The following TMLHE variants were observed in gnomAD, a reference collection of about 807,000 sequenced individuals.
TMLHE encodes the protein trimethyllysine hydroxylase, epsilon.
In TMLHE, 18 loss-of-function variants were observed where a neutral mutation model predicts 25.7. That is an observed-to-expected ratio of 0.70 (90% CI 0.48 to 1.04). The LOEUF is 1.04. Ranked by LOEUF, TMLHE falls within the 50% of genes least tolerant of loss-of-function variation. The pLI is 0.00. For missense variants in TMLHE, 236 were observed against 259.0 expected (o/e 0.91, Z 0.61); for synonymous variants, 105 against 97.0 (o/e 1.08, Z -0.49).
At chrX:155,575,533 A>G (rs1557343694) in intron 1 of TMLHE, among the ~76,000 whole-genome samples, 4 of 112,055 alleles carry the variant, frequency 3.6e-5, no homozygotes, top group Non-Finnish European at 7.5e-5. Flanking sequence ...AAACACAAAG[A>G]AATCTACATA....
rs1445385878 is a variant in TMLHE, at chrX:155,511,762, G to A, written c.669C>T (p.Phe223=). 2 of 1,189,405 alleles carry A rather than the reference G, an allele frequency of 1.7e-6. No individual in the cohort carries two copies. Among genetic ancestry groups the A allele is most frequent in the Non-Finnish European group, 2.3e-6 (2 of 881,178 alleles). The part of the protein sequence containing the change: ...RETIYGRMWY[F]TSDFSRGDTA... ...TGTCACCTCTGGAGAAGTCTGAAGT[G>A]AAATACCACATCCTCCCATAAATGG... Residue 223 remains phenylalanine (F), a synonymous_variant, in exon 5 of 8, where the codon TTC becomes TTT. Transcript: ENST00000334398.
intron 1 of TMLHE, among the ~76,000 whole-genome samples, chrX:155,553,177 T>C (rs1557340274): frequency 9.0e-6 from 1 of 110,933 alleles, no homozygotes; most frequent in Non-Finnish European, 1.9e-5. Context: ...TGGTTGTCTA[T>C]ATATGTCAAT....
chrX:155,571,224 G>C (rs782437345), intron 1 of TMLHE, among the ~76,000 whole-genome samples: 1 of 56,970 alleles, frequency 1.8e-5, no homozygotes, highest in African/African-American at 4.2e-5. Context: ...AAATAAACTA[G>C]AAAATCTAGA....
At chrX:155,511,412 A>C (rs1557333515) in intron 5 of TMLHE, among the ~76,000 whole-genome samples, 1 of 86,700 alleles carries the variant, frequency 1.2e-5, no homozygotes, top group East Asian at 3.8e-4. Context: ...GAACCATGAG[A>C]CAATTAAATC....
intron 1 of TMLHE, among the ~76,000 whole-genome samples, chrX:155,589,006 C>A (rs1419012061): frequency 8.9e-6 from 1 of 112,014 alleles, no homozygotes; most frequent in Non-Finnish European, 1.9e-5. Flanking sequence ...GAAACAAAAT[C>A]TGTATATCAA....
At position 155,609,879 on chromosome X, in the gene TMLHE, G is replaced by A. The variant is rs782773204; in HGVS notation, c.-2+2913C>T. On this transcript the variant is annotated intron_variant, in intron 1 of 7. Coordinates refer to ENST00000334398, the MANE Select transcript of TMLHE (RefSeq NM_018196.4). ...ACATTTGAAAAAAACAAAACAAAAC[G>A]GGGAAATAACAAATATGGTGATGAT... Among the ~76,000 whole-genome samples the A allele has an allele frequency of 4.7e-4, 53 of 111,901 alleles. 2 individuals carry two copies. The highest frequency in any genetic ancestry group is 1.7e-3 in the African/African-American group (51 of 30,834).
chrX:155,603,023 A>T (rs1193593269), intron 1 of TMLHE, among the ~76,000 whole-genome samples: 3 of 112,155 alleles, frequency 2.7e-5, no homozygotes, highest in African/African-American at 9.7e-5. Flanking sequence ...GATTCAGTGC[A>T]ATCGCTACCA....
chrX:155,598,609 A>C (rs1557346845), intron 1 of TMLHE, among the ~76,000 whole-genome samples: 1 of 108,410 alleles, frequency 9.2e-6, no homozygotes, highest in African/African-American at 3.4e-5. Flanking sequence ...ACTAAATGAC[A>C]AGTTAATGGG....
chrX:155,514,183 C>T lies in TMLHE; in HGVS notation c.441G>A (p.Gln147=). 8.3e-7 allele frequency: 1 copy of T among 1,210,985 alleles called. No homozygotes were observed. Among genetic ancestry groups the T allele is most frequent in the Admixed American group, 2.2e-5 (1 of 45,912 alleles). ...SYEGQKQKVI[Q]PRILWNAEIY... ...TTTCAGCATTCCATAGTATTCTAGG[C>T]TGGATGACTTTTTGTTTCTGCCCTT... is the stretch of plus-strand genomic sequence containing the variant. Residue 147 remains glutamine, a synonymous_variant, in exon 4 of 8, where the codon CAG becomes CAA. Coordinates refer to ENST00000334398, the MANE Select transcript of TMLHE (RefSeq NM_018196.4).
intron 1 of TMLHE, among the ~76,000 whole-genome samples, chrX:155,606,172 A>G: frequency 9.0e-6 from 1 of 111,512 alleles, no homozygotes; most frequent in East Asian, 2.8e-4. Flanking sequence ...CCCCACTGAC[A>G]GTATTAGACA....
intron 2 of TMLHE, among the ~76,000 whole-genome samples, chrX:155,542,150 T>C (rs1557338294): frequency 1.8e-5 from 2 of 111,350 alleles, no homozygotes; most frequent in Non-Finnish European, 1.9e-5. Flanking sequence ...ATTGCCTAGG[T>C]TTTCTTCTAG....
intron 1 of TMLHE, chrX:155,612,341 C>T (rs782418815): frequency 8.9e-6 from 1 of 111,913 alleles, no homozygotes; most frequent in Non-Finnish European, 1.9e-5. Context: ...ATCTTGCAGA[C>T]AGCTGAGTTC....
intron 1 of TMLHE, among the ~76,000 whole-genome samples, chrX:155,606,848 C>T (rs781871060): frequency 9.5e-6 from 1 of 105,732 alleles, no homozygotes; most frequent in East Asian, 3.0e-4. Flanking sequence ...CATCTTTCTG[C>T]ACACAAACTA....
intron 5 of TMLHE, among the ~76,000 whole-genome samples, chrX:155,511,000 G>A (rs782403659): frequency 7.2e-5 from 8 of 111,421 alleles, no homozygotes; most frequent in African/African-American, 2.3e-4. Flanking sequence ...CTGATGGCCA[G>A]TAATGATGAG....
chrX:155,558,461 T>C (rs1569562153), intron 1 of TMLHE, among the ~76,000 whole-genome samples: 2 of 111,943 alleles, frequency 1.8e-5, no homozygotes, highest in Non-Finnish European at 3.8e-5. Flanking sequence ...TGTTCCTCAA[T>C]AGGAAGGCCT....
intron 4 of TMLHE, among the ~76,000 whole-genome samples, chrX:155,512,305 T>A (rs1214913252): frequency 1.9e-5 from 2 of 105,307 alleles, no homozygotes; most frequent in African/African-American, 3.6e-5. Context: ...CTCCCAATGC[T>A]ATCCCTCCCC....
chrX:155,593,846 A>G (rs112860960), intron 1 of TMLHE, among the ~76,000 whole-genome samples: 1,925 of 111,539 alleles, frequency 0.017, 50 homozygotes, highest in African/African-American at 0.06. Context: ...CCAAGAAAAA[A>G]AAAACAATCA....
intron 1 of TMLHE, among the ~76,000 whole-genome samples, chrX:155,595,274 T>G (rs2124489439): frequency 8.9e-6 from 1 of 111,972 alleles, no homozygotes; most frequent in South Asian, 3.7e-4. Context: ...TGGGCTTAGG[T>G]ATTATGAGTA....
intron 1 of TMLHE, among the ~76,000 whole-genome samples, chrX:155,549,698 A>G (rs982538057): frequency 5.5e-5 from 6 of 109,741 alleles, no homozygotes; most frequent in African/African-American, 1.3e-4. Context: ...TGTGTGTGTC[A>G]TCTTTATCAG....
Sources: allele counts gnomAD v4.1 joint callset (sites outside exome capture counted in the v4.1 genomes callset), GRCh38; gene constraint gnomAD v4.1.1; transcripts MANE v1.5; gene names NCBI Gene and HGNC (gene_info 2026-07-23, HGNC 2026-07-21).